The following TRIM37 variants were observed in gnomAD, a reference collection of about 807,000 sequenced individuals.
TRIM37 encodes the protein tripartite motif containing 37.
Under a neutral mutation model 129.8 loss-of-function variants are expected in TRIM37, and 80 were observed. The ratio of observed to expected loss-of-function variants is 0.62; its 90% CI spans 0.51 to 0.74. The LOEUF (loss-of-function observed/expected upper bound fraction) is 0.74, where lower values mean the gene tolerates loss of function less well. TRIM37 is among the 30% of genes least tolerant of loss of function. The probability of loss-of-function intolerance (pLI) is 0.00; values close to 1 mark genes in which losing one functional copy is unlikely to be tolerated. For synonymous variants in TRIM37, 389 were observed against 387.1 expected (o/e 1.00, Z -0.06); for missense variants, 1,054 against 1,176.5 (o/e 0.90, Z 1.52).
At chr17:59,051,067 AG>A (rs1468839261) in intron 14 of TRIM37, 146 bp downstream of exon 14, 1 of 615,428 alleles carries the variant, frequency 1.6e-6, no homozygotes, top group Admixed American at 2.7e-5. Flanking sequence ...AGAACTGGTA[AG>A]GATGGGGAAC....
chr17:59,099,859 A>G (rs2045297594), intron 2 of TRIM37, among the ~76,000 whole-genome samples: 3 of 152,092 alleles, frequency 2.0e-5, no homozygotes, highest in African/African-American at 7.2e-5. Flanking sequence ...GCTGGAGTGC[A>G]ATGGTGCGAT....
downstream of TRIM37, among the ~76,000 whole-genome samples, chr17:58,994,448 G>A (rs552694950): frequency 1.7e-3 from 260 of 152,272 alleles, 1 homozygote; most frequent in Admixed American, 5.6e-3. Context: ...GAGATCAGGC[G>A]TGGTGGCTCA....
At chr17:59,101,621 C>T (rs1374393774) in intron 2 of TRIM37, among the ~76,000 whole-genome samples, 2 of 134,662 alleles carry the variant, frequency 1.5e-5, no homozygotes, top group Non-Finnish European at 3.1e-5. Flanking sequence ...GAGTTTGAGA[C>T]CAGCCTGGGC....
In TRIM37 at chr17:59,037,557, CAAAA is replaced by C. The variant is rs58856834; in HGVS notation, c.1753+4252_1753+4255del. ...CGGGCAACAGAGCAAGACTCTGTCT[CAAAA>C]AAAAAAAAAAAAAAAAAAAAAAAAA... On this transcript the variant is annotated intron_variant, in intron 17 of 23. Coordinates refer to ENST00000262294, the MANE Select transcript of TRIM37 (RefSeq NM_015294.6). Among the ~76,000 whole-genome samples the C allele has an allele frequency of 5.7e-3, 420 of 73,798 alleles. 8 individuals carry two copies. Among genetic ancestry groups the C allele is most frequent in the Non-Finnish European group, 8.0e-3 (305 of 38,274 alleles). 48.4% of individuals were successfully genotyped at this position (73,798 alleles called of 152,430 possible). A position where few individuals can be genotyped will look rare whatever the true frequency, so the allele number is the denominator to read the frequency against.
At position 59,001,695 on chromosome 17, in the gene TRIM37, G is replaced by A. The variant is rs773350718; in HGVS notation, c.2715C>T (p.Asp905=). 5.9e-5 allele frequency: 95 copies of A among 1,613,876 alleles called. No homozygotes were observed. The highest frequency in any genetic ancestry group is 7.8e-5 in the Non-Finnish European group (92 of 1,179,974). Residue 905 remains aspartate (D), a synonymous_variant, in exon 23 of 24, where the codon GAC becomes GAT. Coordinates refer to ENST00000262294, the MANE Select transcript of TRIM37 (RefSeq NM_015294.6). ...APEEGMSSDS[D]IECDTENEEQ... is the part of the protein sequence containing the mutation. ...CCTCATTCTCAGTGTCACATTCAAT[G>A]TCACTGTCGCTACTCATTCCTGGCA...
At chr17:58,991,099 C>G (rs1026624644) in intron 24 of TRIM37, among the ~76,000 whole-genome samples, 5 of 148,380 alleles carry the variant, frequency 3.4e-5, no homozygotes, top group Admixed American at 2.0e-4. Flanking sequence ...CATTTAAACC[C>G]AGGAGGCGGA....
chr17:59,015,760 G>A lies in TRIM37; in HGVS notation c.2426C>T (p.Ser809Phe), dbSNP rs1315067659. The part of the protein sequence containing the change: ...GSSQSGSRHS[S>F]PRALIHGSIG... The stretch of plus-strand genomic sequence containing the variant: ...ACTGCCATGTATCAAGGCTCGGGGA[G>A]AACTGTGCCTGCTCCCAGACTGAGA... The change falls in exon 21 of 24, where the codon TCT becomes TTT. Residue 809 changes from serine to phenylalanine, a missense_variant. By Grantham distance (155) the Ser-to-Phe change is radical. Around this residue, in one of 3 missense-constraint regions of TRIM37, gnomAD observed 287 missense variants for 274.3 expected, o/e 1.05. Transcript: ENST00000262294. 1.2e-6 allele frequency: 2 copies of A among 1,613,770 alleles called. No homozygotes were observed. The highest frequency in any genetic ancestry group is 1.7e-5 in the Admixed American group (1 of 59,992).
intron 22 of TRIM37, among the ~76,000 whole-genome samples, chr17:59,010,856 T>C (rs1470754326): frequency 6.6e-6 from 1 of 152,068 alleles, no homozygotes; most frequent in Non-Finnish European, 1.5e-5. Context: ...CAATCCAGTA[T>C]GTATGGAGAC....
chr17:58,980,116 C>T (rs140315231), downstream of TRIM37: 45 of 1,613,944 alleles, frequency 2.8e-5, no homozygotes, highest in Middle Eastern at 1.6e-4. This position sits in a 1 kb window ranked among gnomAD's most constrained non-coding sequence, Gnocchi z 4.7. Context: ...AAGTTGTGTC[C>T]GACCACCTGA....
At chr17:59,012,962 G>A (rs2035488750) in intron 21 of TRIM37, among the ~76,000 whole-genome samples, 3 of 152,028 alleles carry the variant, frequency 2.0e-5, no homozygotes, top group Admixed American at 1.3e-4. Flanking sequence ...TATCCTGGTT[G>A]TGATATTGTA....
the TRIM37 span, among the ~76,000 whole-genome samples, chr17:58,971,714 A>AT: frequency 1.9e-4 from 29 of 152,290 alleles, no homozygotes; most frequent in South Asian, 8.3e-4. Flanking sequence ...AACAAATACG[A>AT]TGTCAGTAAT....
intron 17 of TRIM37, among the ~76,000 whole-genome samples, chr17:59,039,801 T>C (rs1012637779): frequency 6.6e-6 from 1 of 152,208 alleles, no homozygotes; most frequent in Admixed American, 6.5e-5. Context: ...GGAATTTATG[T>C]GCCATGTTAA....
At chr17:58,998,196 G>A (rs542550520), downstream of TRIM37, 1 of 984,670 alleles carries the variant, frequency 1.0e-6, no homozygotes. Context: ...AAACAGCAGA[G>A]GCATATTTTC....
In TRIM37 at chr17:59,049,435, T is replaced by C. The variant is rs1176599050; in HGVS notation, c.1315-42A>G. On this transcript the variant is annotated intron_variant, in intron 14 of 23. Transcript: ENST00000262294. ...AGCACAAATATTAGCCACAGCTCACTGGCACAGTAAAAGATGTCTCAAGTG... is the reference window on the plus strand; with the variant it reads ...AGCACAAATATTAGCCACAGCTCACCGGCACAGTAAAAGATGTCTCAAGTG... 5.2e-6 allele frequency: 8 copies of C among 1,535,636 alleles called. No homozygotes were observed. The Admixed American group carries it at 8.4e-5, about 16-fold the overall frequency.
Position 59,041,822 on chromosome 17 carries a change from C to T in TRIM37, c.1744G>A (p.Gly582Arg). The part of the protein sequence containing the change: ...GELMEDAAAA[G>R]PAGSSHGYVG... The stretch of plus-strand genomic sequence containing the variant: ...GGAGTGACCTCATTACCTGCGGGTC[C>T]TGCAGCAGCTGCATCTTCCATGAGT... The change falls in exon 17 of 24, where the codon GGA (glycine) becomes AGA (arginine). Residue 582 changes from glycine (G) to arginine (R), a missense_variant. Gly to Arg is a moderately radical substitution (Grantham distance 125). This residue lies in a region of TRIM37 where 752 missense variants were observed against 870.8 expected (regional missense o/e 0.86). Coordinates refer to ENST00000262294, the MANE Select transcript of TRIM37 (RefSeq NM_015294.6). 6.2e-7 allele frequency: 1 copy of T among 1,613,734 alleles called. No homozygotes were observed.
At chr17:59,006,446 T>A (rs2034490628) in intron 22 of TRIM37, among the ~76,000 whole-genome samples, 1 of 152,206 alleles carries the variant, frequency 6.6e-6, no homozygotes, top group Non-Finnish European at 1.5e-5. Flanking sequence ...GGAAAATACA[T>A]TAACCACCTG....
chr17:59,042,226 A>C (rs1407230983), intron 16 of TRIM37, among the ~76,000 whole-genome samples: 1 of 151,034 alleles, frequency 6.6e-6, no homozygotes, highest in South Asian at 2.1e-4. Flanking sequence ...AATACAAAAA[A>C]TTAGCTGGGT....
downstream of TRIM37, among the ~76,000 whole-genome samples, chr17:58,993,229 G>A (rs1001934009): frequency 6.6e-6 from 1 of 152,170 alleles, no homozygotes; most frequent in Non-Finnish European, 1.5e-5. Context: ...GGAACTGTAA[G>A]TCCAATAAAC....
intron 17 of TRIM37, among the ~76,000 whole-genome samples, chr17:59,037,648 CAG>C (rs983745862): frequency 1.4e-5 from 2 of 140,116 alleles, no homozygotes; most frequent in African/African-American, 2.7e-5. Flanking sequence ...GGTAAAAATA[CAG>C]AGAGTTCCTG....
Sources: gnomAD v4.1 joint callset for allele counts (sites outside exome capture counted in the v4.1 genomes callset) on GRCh38, gnomAD v4.1.1 for gene constraint, gnomAD v4.1.1 regional missense constraint, Gnocchi (gnomAD v3.1) non-coding constraint, MANE v1.5 for transcripts, NCBI Gene and HGNC (gene_info 2026-07-23, HGNC 2026-07-21) for gene names.